APP: variants seen among roughly 807,000 people sequenced by gnomAD.
The protein encoded by APP is amyloid beta precursor protein.
Under a neutral mutation model 101.4 loss-of-function variants are expected in APP, and 31 were observed. That is an observed-to-expected ratio of 0.31 (90% CI 0.23 to 0.41). The LOEUF (loss-of-function observed/expected upper bound fraction) is 0.41, where lower values mean the gene tolerates loss of function less well. Among genes scored for constraint, APP ranks in the 10% least tolerant of loss-of-function variants. The pLI is 1.00. For missense variants in APP, 839 were observed against 1,003.7 expected (o/e 0.84, Z 2.22); for synonymous variants, 366 against 364.4 (o/e 1.00, Z -0.05).
In APP at chr21:26,161,392, C is replaced by T. The variant is rs568027409; in HGVS notation, c.57+9172G>A. On this transcript the variant is annotated intron_variant, in intron 1 of 17. Coordinates refer to ENST00000346798, the MANE Select transcript of APP (RefSeq NM_000484.4). ...TGCATTCACAACACACATCCTTCTA[C>T]GTAGCATTCTCTTATATTCCTTACC... Among the ~76,000 whole-genome samples the T allele has an allele frequency of 6.6e-5, 10 of 152,298 alleles. No homozygotes were observed. In the South Asian group the frequency reaches 1.2e-3, roughly 19 times the overall value.
chr21:25,969,849 GAAAAC>G lies in APP; in HGVS notation c.1458+5216_1458+5220del, dbSNP rs1220116925. On this transcript the variant is annotated intron_variant, in intron 11 of 17. Transcript: ENST00000346798. Reference sequence around the variant, plus strand: ...GCAAGACCCTGAAAAGAAAAGAAAAGAAAACAAAAGAAAAGAAAAGAAAAGAGAAA... The same window carrying G: ...GCAAGACCCTGAAAAGAAAAGAAAAGAAAAGAAAAGAAAAGAAAAGAGAAA... 1.9e-3 allele frequency among the ~76,000 whole-genome samples: 96 copies of G among 49,932 alleles called. 1 individual carries two copies. The highest frequency in any genetic ancestry group is 6.4e-3 in the African/African-American group (91 of 14,118). 32.8% of individuals were successfully genotyped at this position (49,932 alleles called of 152,430 possible).
chr21:26,074,254 G>A (rs1453490988), intron 3 of APP, among the ~76,000 whole-genome samples: 1 of 152,082 alleles, frequency 6.6e-6, no homozygotes, highest in Non-Finnish European at 1.5e-5. Flanking sequence ...AGGTTTAAGA[G>A]GGGAGTACCT....
At chr21:25,890,939 C>T (rs1015264583) in intron 17 of APP, among the ~76,000 whole-genome samples, 1 of 152,048 alleles carries the variant, frequency 6.6e-6, no homozygotes, top group African/African-American at 2.4e-5. Context: ...TTTCAGTTTC[C>T]CTGTGCATAT....
intron 11 of APP, among the ~76,000 whole-genome samples, chr21:25,964,525 A>C (rs925780185): frequency 1.3e-5 from 2 of 152,212 alleles, no homozygotes; most frequent in African/African-American, 4.8e-5. Flanking sequence ...CCTGGGAAGT[A>C]AAGACAAGAG....
chr21:25,927,323 G>A (rs1298685551), intron 13 of APP, among the ~76,000 whole-genome samples: 4 of 95,888 alleles, frequency 4.2e-5, no homozygotes, highest in Non-Finnish European at 6.0e-5. Context: ...GGATGAATAC[G>A]ATGGCTACGT....
intron 6 of APP, among the ~76,000 whole-genome samples, chr21:26,015,315 T>C (rs984122899): frequency 6.6e-6 from 1 of 152,218 alleles, no homozygotes; most frequent in African/African-American, 2.4e-5. Flanking sequence ...AGTTACTGTA[T>C]ACCAGGAATT....
At chr21:26,119,077 T>C (rs574589993) in intron 1 of APP, among the ~76,000 whole-genome samples, 1 of 152,230 alleles carries the variant, frequency 6.6e-6, no homozygotes, top group East Asian at 1.9e-4. Flanking sequence ...CCAAGATAAG[T>C]CACTTCCACA....
intron 5 of APP, among the ~76,000 whole-genome samples, chr21:26,030,423 A>G (rs1204418136): frequency 6.6e-6 from 1 of 152,198 alleles, no homozygotes; most frequent in Non-Finnish European, 1.5e-5. Flanking sequence ...CTGTAGAAAA[A>G]TGTTCTTAGA....
chr21:26,050,215 G>T (rs780112357), intron 5 of APP, among the ~76,000 whole-genome samples: 21 of 152,230 alleles, frequency 1.4e-4, no homozygotes, highest in Middle Eastern at 3.4e-3. Flanking sequence ...TGTGCTGTTT[G>T]GAAATCTGTA....
At chr21:26,080,516 C>G (rs996458879) in intron 3 of APP, among the ~76,000 whole-genome samples, 1 of 151,772 alleles carries the variant, frequency 6.6e-6, no homozygotes, top group Non-Finnish European at 1.5e-5. Context: ...TGCCTGTAAT[C>G]TCAGTACTTT....
chr21:25,908,613 A>C (rs1415811867), intron 14 of APP, among the ~76,000 whole-genome samples: 1 of 151,878 alleles, frequency 6.6e-6, no homozygotes, highest in South Asian at 2.1e-4. Flanking sequence ...CATTATTTTA[A>C]GGATACATTG....
chr21:25,986,612 A>C (rs1243772506), intron 8 of APP, among the ~76,000 whole-genome samples: 2 of 134,646 alleles, frequency 1.5e-5, no homozygotes, highest in East Asian at 4.4e-4. Flanking sequence ...AGGCAGGAGA[A>C]TCGCTTGAAC....
At chr21:25,905,223 A>C in intron 14 of APP, 146 bp from the exon 15 acceptor site, 2 of 732,460 alleles carry the variant, frequency 2.7e-6, no homozygotes. Flanking sequence ...AACCACAGTG[A>C]GTTAATCCCG....
intron 5 of APP, 36 bp from the exon 6 acceptor site, chr21:26,022,078 T>G (rs1397561081): frequency 6.2e-7 from 1 of 1,607,108 alleles, no homozygotes; most frequent in Non-Finnish European, 8.5e-7. Context: ...AAAAAGTCAA[T>G]TAAACACATT....
chr21:26,140,182 C>G (rs1346647844), intron 1 of APP: 1 of 1,536,090 alleles, frequency 6.5e-7, no homozygotes, highest in South Asian at 1.2e-5. Flanking sequence ...AACAAGTCCT[C>G]TAATTGGTCC....
At chr21:25,995,554 G>C (rs1004054160) in intron 8 of APP, among the ~76,000 whole-genome samples, 1 of 146,462 alleles carries the variant, frequency 6.8e-6, no homozygotes, top group South Asian at 2.3e-4. Context: ...TGTACAAAAG[G>C]AATGAGGAAA....
intron 15 of APP, among the ~76,000 whole-genome samples, chr21:25,904,730 TG>T (rs562908707): frequency 2.4e-4 from 36 of 152,104 alleles, no homozygotes; most frequent in African/African-American, 7.2e-4. Context: ...GTTTTTGTTT[TG>T]TTTTGTTTGT....
At chr21:25,978,677 G>C (rs1180402764) in intron 9 of APP, among the ~76,000 whole-genome samples, 2 of 152,242 alleles carry the variant, frequency 1.3e-5, no homozygotes, top group African/African-American at 4.8e-5. Context: ...ACCTAGGCCA[G>C]GCACAGTGGC....
chr21:26,040,605 T>TAAA (rs35349551), intron 5 of APP, among the ~76,000 whole-genome samples: 2 of 125,344 alleles, frequency 1.6e-5, no homozygotes, highest in Non-Finnish European at 1.7e-5. Context: ...CCGTCTCCAT[T>TAAA]AAAAAAAAAA....
Sources: gnomAD v4.1 joint callset for allele counts (sites outside exome capture counted in the v4.1 genomes callset) on GRCh38, gnomAD v4.1.1 for gene constraint, MANE v1.5 for transcripts, NCBI Gene and HGNC (gene_info 2026-07-23, HGNC 2026-07-21) for gene names.